GRAMD1B: variants seen among roughly 807,000 people sequenced by gnomAD.
GRAMD1B encodes the protein protein Aster-B.
A neutral mutation model predicts 99.7 loss-of-function variants in GRAMD1B; 37 were observed. The ratio of observed to expected loss-of-function variants is 0.37; its 90% CI spans 0.29 to 0.49. The LOEUF (loss-of-function observed/expected upper bound fraction) is 0.49. Among genes scored for constraint, GRAMD1B ranks in the 20% least tolerant of loss-of-function variants. GRAMD1B has a pLI of 0.98. For missense variants in GRAMD1B, 888 were observed against 1,009.2 expected (o/e 0.88, Z 1.63); for synonymous variants, 427 against 387.6 (o/e 1.10, Z -1.19).
At chr11:123,454,090 T>C (rs943458850) in intron 1 of GRAMD1B, among the ~76,000 whole-genome samples, 3 of 152,226 alleles carry the variant, frequency 2.0e-5, no homozygotes, top group Non-Finnish European at 4.4e-5. Context: ...CCTGCTTCCA[T>C]GGAGTAAAAT....
intron 1 of GRAMD1B, chr11:123,435,454 C>T: frequency 1.4e-6 from 1 of 702,694 alleles, no homozygotes; most frequent in African/African-American, 1.7e-5. Context: ...CGGATTTTCA[C>T]TGCACAAAGT....
chr11:123,391,297 T>C (rs79105486), intron 1 of GRAMD1B, among the ~76,000 whole-genome samples: 10 of 51,074 alleles, frequency 2.0e-4, no homozygotes, highest in East Asian at 6.8e-4. Context: ...GCCTTACTCT[T>C]TCTCTCACCA....
chr11:123,506,615 A>G (rs1293105609), intron 2 of GRAMD1B, among the ~76,000 whole-genome samples: 1 of 152,216 alleles, frequency 6.6e-6, no homozygotes, highest in African/African-American at 2.4e-5. Flanking sequence ...TAGTTCAAAA[A>G]GCAAAAAGCA....
rs1480463003 is a variant in GRAMD1B at position 123,622,737 on chromosome 11, G to A, written c.*142G>A. 1.4e-5 allele frequency: 3 copies of A among 215,072 alleles called. No homozygotes were observed. Among genetic ancestry groups the A allele is most frequent in the Non-Finnish European group, 2.6e-5 (3 of 115,896 alleles). 13.3% of individuals were successfully genotyped at this position (215,072 alleles called of 1,614,324 possible). ...ATTTTAAAAAAGAGATAATGCCTATGTACCAGGGAGAAGGAGCGGGCCCTC... is the reference window on the plus strand; with the variant it reads ...ATTTTAAAAAAGAGATAATGCCTATATACCAGGGAGAAGGAGCGGGCCCTC... On this transcript the variant is annotated 3_prime_UTR_variant, in exon 20 of 20. Coordinates refer to ENST00000635736, the MANE Select transcript of GRAMD1B (RefSeq NM_001387025.1).
At chr11:123,486,147 A>T (rs1937731037) in intron 2 of GRAMD1B, among the ~76,000 whole-genome samples, 1 of 152,268 alleles carries the variant, frequency 6.6e-6, no homozygotes, top group African/African-American at 2.4e-5. Flanking sequence ...GTAAAGAGCC[A>T]TTAAGTGGAT....
chr11:123,368,762 G>T (rs1446130164), intron 1 of GRAMD1B, among the ~76,000 whole-genome samples: 1 of 151,686 alleles, frequency 6.6e-6, no homozygotes, highest in Non-Finnish European at 1.5e-5. Flanking sequence ...GCAGGATGAG[G>T]ATTGGAAAGA....
chr11:123,364,247 AG>A (rs1342317168), intron 1 of GRAMD1B, among the ~76,000 whole-genome samples: 13 of 152,372 alleles, frequency 8.5e-5, no homozygotes, highest in African/African-American at 3.1e-4. Flanking sequence ...GGACTCGGAA[AG>A]GAGCGCTTCT....
intron 1 of GRAMD1B, among the ~76,000 whole-genome samples, chr11:123,447,018 C>T (rs1949676131): frequency 6.6e-6 from 1 of 152,082 alleles, no homozygotes; most frequent in Admixed American, 6.6e-5. Flanking sequence ...TTACAGATGT[C>T]CCTTCCATTG....
intron 1 of GRAMD1B, among the ~76,000 whole-genome samples, chr11:123,416,130 T>G (rs947084927): frequency 1.3e-5 from 2 of 152,192 alleles, no homozygotes; most frequent in African/African-American, 4.8e-5. Flanking sequence ...GTCTTCAAAG[T>G]GGATTAGGGT....
intron 1 of GRAMD1B, among the ~76,000 whole-genome samples, chr11:123,364,827 C>T (rs1005460507): frequency 4.8e-5 from 7 of 145,374 alleles, no homozygotes; most frequent in South Asian, 2.1e-4. Flanking sequence ...TGAACCTCTT[C>T]AGGCTCCAGT....
intron 2 of GRAMD1B, among the ~76,000 whole-genome samples, chr11:123,519,505 C>T (rs1941988756): frequency 6.6e-6 from 1 of 152,198 alleles, no homozygotes. Flanking sequence ...GCTTCCTGAC[C>T]TCCAAAATGC....
At chr11:123,437,128 C>G (rs1949198267) in intron 1 of GRAMD1B, among the ~76,000 whole-genome samples, 1 of 152,082 alleles carries the variant, frequency 6.6e-6, no homozygotes, top group Non-Finnish European at 1.5e-5. Context: ...GTATATGTGC[C>G]ACATTTTCTT....
chr11:123,499,945 A>C (rs979928735), intron 2 of GRAMD1B, among the ~76,000 whole-genome samples: 2 of 152,210 alleles, frequency 1.3e-5, no homozygotes, highest in Admixed American at 6.5e-5. Context: ...TTCCCTGTAG[A>C]AATGAAACAG....
chr11:123,381,910 GGTAA>G (rs1476607361), intron 1 of GRAMD1B, among the ~76,000 whole-genome samples: 1 of 152,140 alleles, frequency 6.6e-6, no homozygotes, highest in East Asian at 1.9e-4. Context: ...CTTGGGGTGG[GGTAA>G]GTGTTAGTGG....
chr11:123,398,166 T>C (rs1302775946), intron 1 of GRAMD1B, among the ~76,000 whole-genome samples: 1 of 152,228 alleles, frequency 6.6e-6, no homozygotes, highest in Non-Finnish European at 1.5e-5. Flanking sequence ...CAAAGTGCTT[T>C]ATCTTAGTTA....
intron 2 of GRAMD1B, among the ~76,000 whole-genome samples, chr11:123,542,058 G>A (rs1171531568): frequency 6.6e-6 from 1 of 152,166 alleles, no homozygotes; most frequent in African/African-American, 2.4e-5. Flanking sequence ...TTTTTCATTA[G>A]CTTTTCTAAA....
chr11:123,433,388 A>G (rs1343367097), intron 1 of GRAMD1B, among the ~76,000 whole-genome samples: 1 of 152,212 alleles, frequency 6.6e-6, no homozygotes, highest in Non-Finnish European at 1.5e-5. Context: ...TAAATGAATA[A>G]ATAAATAAAG....
intron 2 of GRAMD1B, among the ~76,000 whole-genome samples, chr11:123,518,959 T>A (rs1487827188): frequency 6.6e-6 from 1 of 152,202 alleles, no homozygotes; most frequent in Non-Finnish European, 1.5e-5. Flanking sequence ...ATTTTTTAAC[T>A]CCAGTGGCTT....
At chr11:123,522,693 A>G (rs1942309424) in intron 2 of GRAMD1B, among the ~76,000 whole-genome samples, 1 of 152,164 alleles carries the variant, frequency 6.6e-6, no homozygotes, top group East Asian at 1.9e-4. Context: ...CAGAAACAAG[A>G]AAGAGCCAAG....
Sources: gnomAD v4.1 joint callset for allele counts (sites outside exome capture counted in the v4.1 genomes callset) on GRCh38, gnomAD v4.1.1 for gene constraint, MANE v1.5 for transcripts, NCBI Gene and HGNC (gene_info 2026-07-23, HGNC 2026-07-21) for gene names.